The following NTRK2 variants were observed in gnomAD, a reference collection of about 807,000 sequenced individuals.
NTRK2 encodes the protein BDNF/NT-3 growth factors receptor.
In NTRK2, 13 loss-of-function variants were observed where a neutral mutation model predicts 94.5. The ratio of observed to expected loss-of-function variants is 0.14; its 90% CI spans 0.09 to 0.22. The LOEUF (loss-of-function observed/expected upper bound fraction) is 0.22. Among genes scored for constraint, NTRK2 ranks in the 10% least tolerant of loss-of-function variants. The pLI, the probability that NTRK2 is intolerant of heterozygous loss-of-function variation, is 1.00. For synonymous variants in NTRK2, 372 were observed against 407.4 expected, an observed-to-expected ratio of 0.91 and a Z score of 1.05; for missense variants, 639 against 1,071.2, an observed-to-expected ratio of 0.60 and a Z score of 5.63.
At chr9:84,896,517 G>A (rs1030111631) in intron 14 of NTRK2, among the ~76,000 whole-genome samples, 4 of 152,230 alleles carry the variant, frequency 2.6e-5, no homozygotes, top group African/African-American at 9.6e-5. Flanking sequence ...TTAGGCCTCA[G>A]TGGTGTGTCT....
intron 3 of NTRK2, 51 bp from the exon 4 acceptor site, chr9:84,702,297 C>T (rs751941936): frequency 1.9e-6 from 3 of 1,607,356 alleles, no homozygotes; most frequent in Non-Finnish European, 2.6e-6. Flanking sequence ...TCTGGTCAGG[C>T]AGGCATTCAC....
chr9:84,838,790 GCTTATTTAC>G lies in NTRK2; in HGVS notation c.1397-22248_1397-22240del, dbSNP rs1004143375. ...ATAATTTAAAGCAAAATAAATGGTGGCTTATTTACCAAAAATAGATAATTCTGGACTTTA... is the reference window on the plus strand; with the variant it reads ...ATAATTTAAAGCAAAATAAATGGTGGCAAAAATAGATAATTCTGGACTTTA... On this transcript the variant is annotated intron_variant, in intron 12 of 18. Transcript: ENST00000277120. 1.3e-4 allele frequency among the ~76,000 whole-genome samples: 20 copies of G among 152,140 alleles called. No homozygotes were observed. The East Asian group carries it at 1.3e-3, about 10-fold the overall frequency.
At chr9:84,730,377 C>T (rs946291612) in intron 9 of NTRK2, among the ~76,000 whole-genome samples, 6 of 152,124 alleles carry the variant, frequency 3.9e-5, no homozygotes, top group Admixed American at 3.3e-4. Context: ...TTATGAGACT[C>T]ACAACCATAG....
At chr9:84,912,911 C>T (rs760114864) in intron 14 of NTRK2, among the ~76,000 whole-genome samples, 4 of 152,130 alleles carry the variant, frequency 2.6e-5, no homozygotes, top group East Asian at 1.9e-4. Flanking sequence ...CCACTGCACC[C>T]GGCCTAACCT....
At chr9:84,774,112 T>C (rs2066809590) in intron 12 of NTRK2, among the ~76,000 whole-genome samples, 1 of 152,160 alleles carries the variant, frequency 6.6e-6, no homozygotes, top group African/African-American at 2.4e-5. Flanking sequence ...ATTTTCTTTC[T>C]CTCCCTCATT....
chr9:84,790,091 T>A (rs561264321), intron 12 of NTRK2, among the ~76,000 whole-genome samples: 1 of 152,278 alleles, frequency 6.6e-6, no homozygotes, highest in East Asian at 1.9e-4. Flanking sequence ...TCCTCCTCAG[T>A]GCATAGACAG....
At position 84,702,147 on chromosome 9, in the gene NTRK2, GC is replaced by G; in HGVS notation, c.213-11del. On this transcript the variant is annotated splice_polypyrimidine_tract_variant and intron_variant, in intron 2 of 18. Coordinates refer to ENST00000277120, the MANE Select transcript of NTRK2 (RefSeq NM_006180.6). ...TCTGAGTCACTGCGATTCACTCTCT[GC>G]TTTGTTACAGTTTCATCGCAAACCA... 6.2e-7 allele frequency: 1 copy of G among 1,612,954 alleles called. No individual in the cohort carries two copies. The highest frequency in any genetic ancestry group is 8.5e-7 in the Non-Finnish European group (1 of 1,179,032).
intron 12 of NTRK2, among the ~76,000 whole-genome samples, chr9:84,758,551 C>T (rs1267726684): frequency 6.6e-6 from 1 of 152,014 alleles, no homozygotes; most frequent in East Asian, 1.9e-4. Flanking sequence ...GCTACCACGC[C>T]CGGCTAATTT....
At chr9:84,797,217 C>A (rs1417346537) in intron 12 of NTRK2, among the ~76,000 whole-genome samples, 6 of 152,058 alleles carry the variant, frequency 3.9e-5, no homozygotes, top group Non-Finnish European at 8.8e-5. Flanking sequence ...TGGGCCAGAT[C>A]TCACCTGCTA....
intron 6 of NTRK2, among the ~76,000 whole-genome samples, chr9:84,711,516 T>G (rs2061417194): frequency 6.6e-6 from 1 of 152,204 alleles, no homozygotes; most frequent in South Asian, 2.1e-4. Context: ...TACCCACACA[T>G]GCATGTTACT....
At chr9:84,732,389 C>T (rs890674098) in intron 9 of NTRK2, among the ~76,000 whole-genome samples, 3 of 152,118 alleles carry the variant, frequency 2.0e-5, no homozygotes, top group Admixed American at 1.3e-4. Flanking sequence ...ACTCAGATTC[C>T]GTGGCTCTGG....
At chr9:84,986,568 G>A (rs1165564402) in intron 17 of NTRK2, among the ~76,000 whole-genome samples, 2 of 152,208 alleles carry the variant, frequency 1.3e-5, no homozygotes, top group Non-Finnish European at 2.9e-5. Context: ...CCAGTCCATG[G>A]CCTGGGAGTT....
chr9:84,875,746 C>T (rs1038688684), intron 14 of NTRK2: 13 of 1,052,166 alleles, frequency 1.2e-5, no homozygotes, highest in East Asian at 1.1e-4. Flanking sequence ...CAGTGATCCC[C>T]GGATCTTTCA....
At chr9:84,754,169 A>C (rs1315014648) in intron 12 of NTRK2, among the ~76,000 whole-genome samples, 1 of 152,226 alleles carries the variant, frequency 6.6e-6, no homozygotes, top group East Asian at 1.9e-4. Context: ...GAATTATAAG[A>C]AAGAGTGTGC....
intron 13 of NTRK2, among the ~76,000 whole-genome samples, chr9:84,863,055 G>A (rs2075406723): frequency 6.6e-6 from 1 of 152,134 alleles, no homozygotes; most frequent in Non-Finnish European, 1.5e-5. Context: ...GACTCACCAG[G>A]GGTGGGAGGG....
chr9:84,995,591 T>TTA (rs1829659692), intron 17 of NTRK2, among the ~76,000 whole-genome samples: 3 of 152,314 alleles, frequency 2.0e-5, no homozygotes, highest in South Asian at 4.1e-4. Context: ...GCCACACACT[T>TTA]GGGCAAGTCT....
At chr9:84,923,804 A>G (rs982172556) in intron 14 of NTRK2, among the ~76,000 whole-genome samples, 1 of 151,976 alleles carries the variant, frequency 6.6e-6, no homozygotes, top group Non-Finnish European at 1.5e-5. Flanking sequence ...AAAAATCCCA[A>G]TTACTCGGGA....
rs539169661 is a variant in NTRK2 at position 84,713,731 on chromosome 9, T to C, written c.583+2940T>C. ...AAGATATTGCACCATATTCTTTTTG[T>C]ATTGAGTGTTGCTGATGAGAAGTCT... is the stretch of plus-strand genomic sequence containing the variant. On this transcript the variant is annotated intron_variant, in intron 6 of 18. Coordinates refer to ENST00000277120, the MANE Select transcript of NTRK2 (RefSeq NM_006180.6). 2.6e-5 allele frequency among the ~76,000 whole-genome samples: 4 copies of C among 152,304 alleles called. No homozygotes were observed. In the South Asian group the frequency reaches 8.3e-4, roughly 32 times the overall value.
intron 4 of NTRK2, among the ~76,000 whole-genome samples, chr9:84,703,555 G>A (rs1370623828): frequency 6.6e-6 from 1 of 152,080 alleles, no homozygotes; most frequent in African/African-American, 2.4e-5. Flanking sequence ...GAGGAGAACA[G>A]TTCCCCAACT....
Sources: gnomAD v4.1 joint callset for allele counts (sites outside exome capture counted in the v4.1 genomes callset) on GRCh38, gnomAD v4.1.1 for gene constraint, MANE v1.5 for transcripts, NCBI Gene and HGNC (gene_info 2026-07-23, HGNC 2026-07-21) for gene names.